Variants in CAMKMT observed in about 807,000 individuals in gnomAD.
The protein encoded by CAMKMT is CaM KMT.
Under a neutral mutation model 48.0 loss-of-function variants are expected in CAMKMT, and 53 were observed. The observed-to-expected ratio is 1.10, with a 90% CI of 0.89 to 1.39. The LOEUF (loss-of-function observed/expected upper bound fraction) is 1.39, where lower values mean the gene tolerates loss of function less well. Ranked by LOEUF, CAMKMT falls within the 40% of genes most tolerant of loss-of-function variation. CAMKMT has a pLI of 0.00. For synonymous variants in CAMKMT, 165 were observed against 152.3 expected (o/e 1.08, Z -0.61); for missense variants, 428 against 402.7 (o/e 1.06, Z -0.54).
chr2:44,668,588 C>T (rs544557333), intron 3 of CAMKMT, among the ~76,000 whole-genome samples: 1 of 152,124 alleles, frequency 6.6e-6, no homozygotes, highest in African/African-American at 2.4e-5. Flanking sequence ...TGTTCTATTG[C>T]CTCACCTCCA....
intron 2 of CAMKMT, among the ~76,000 whole-genome samples, chr2:44,381,748 A>C (rs1343162512): frequency 6.6e-6 from 1 of 152,202 alleles, no homozygotes; most frequent in East Asian, 1.9e-4. Context: ...AAGTGCTTTC[A>C]GTTCTTTAAT....
chr2:44,608,076 T>G (rs1251118567), intron 3 of CAMKMT, among the ~76,000 whole-genome samples: 8 of 143,112 alleles, frequency 5.6e-5, no homozygotes, highest in African/African-American at 7.7e-5. Context: ...TTTCCTTTTT[T>G]TTTTTTTTTT....
At chr2:44,562,316 C>T (rs1035290409) in intron 3 of CAMKMT, among the ~76,000 whole-genome samples, 2 of 152,150 alleles carry the variant, frequency 1.3e-5, no homozygotes, top group Non-Finnish European at 2.9e-5. Flanking sequence ...ACCCTTCTTT[C>T]TTTTCTAATC....
chr2:44,383,131 C>CT (rs992963820), intron 2 of CAMKMT, among the ~76,000 whole-genome samples: 174 of 148,204 alleles, frequency 1.2e-3, no homozygotes, highest in African/African-American at 3.8e-3. Flanking sequence ...CCTACCTCCT[C>CT]TTTTTTTTTT....
At chr2:44,681,944 G>T (rs906535937) in intron 3 of CAMKMT, among the ~76,000 whole-genome samples, 7 of 152,176 alleles carry the variant, frequency 4.6e-5, no homozygotes, top group Non-Finnish European at 5.9e-5. Context: ...GCTAATTAAA[G>T]AAGTTACTAC....
At chr2:44,464,292 A>C (rs1667998969) in intron 3 of CAMKMT, among the ~76,000 whole-genome samples, 1 of 152,232 alleles carries the variant, frequency 6.6e-6, no homozygotes, top group Non-Finnish European at 1.5e-5. Flanking sequence ...GAGTCAGAGT[A>C]ACAACAGCAA....
intron 3 of CAMKMT, among the ~76,000 whole-genome samples, chr2:44,404,174 A>G (rs925514025): frequency 8.5e-5 from 13 of 152,156 alleles, no homozygotes; most frequent in Non-Finnish European, 1.8e-4. Flanking sequence ...TGGATTAGTG[A>G]ACTTATTATT....
At chr2:44,529,729 G>A (rs752360807) in intron 3 of CAMKMT, among the ~76,000 whole-genome samples, 2 of 152,166 alleles carry the variant, frequency 1.3e-5, no homozygotes, top group Non-Finnish European at 2.9e-5. Flanking sequence ...CATTTTCATA[G>A]TATTTCTATC....
intron 4 of CAMKMT, chr2:44,705,467 C>T (rs1299085856): frequency 3.0e-6 from 3 of 985,252 alleles, no homozygotes; most frequent in African/African-American, 1.7e-5. Context: ...ACTGGAGCTC[C>T]AATCAGCGAG....
At chr2:44,761,727 G>A (rs952211687) in intron 9 of CAMKMT, among the ~76,000 whole-genome samples, 6 of 152,158 alleles carry the variant, frequency 3.9e-5, no homozygotes, top group Non-Finnish European at 4.4e-5. Flanking sequence ...GCTTTATTTC[G>A]AAAGTGACAG....
chr2:44,768,531 A>C (rs1355256259), intron 10 of CAMKMT, among the ~76,000 whole-genome samples: 2 of 151,882 alleles, frequency 1.3e-5, no homozygotes, highest in African/African-American at 4.8e-5. Flanking sequence ...GAGCTCGCCC[A>C]GAGGCCGGAG....
At chr2:44,404,921 G>T (rs1301364675) in intron 3 of CAMKMT, among the ~76,000 whole-genome samples, 2 of 152,142 alleles carry the variant, frequency 1.3e-5, no homozygotes, top group African/African-American at 4.8e-5. Context: ...AATGCTGGTG[G>T]TTACTATATA....
intron 3 of CAMKMT, chr2:44,400,761 A>G (rs963364169): frequency 6.6e-6 from 1 of 151,560 alleles, no homozygotes; most frequent in Non-Finnish European, 1.5e-5. Flanking sequence ...TATTTTAAAT[A>G]TTTTTCAACA....
chr2:44,721,407 A>G (rs752810935), intron 7 of CAMKMT, among the ~76,000 whole-genome samples: 18 of 152,182 alleles, frequency 1.2e-4, no homozygotes, highest in Non-Finnish European at 2.4e-4. Flanking sequence ...ACTATGACAA[A>G]TCATATCAAA....
intron 3 of CAMKMT, among the ~76,000 whole-genome samples, chr2:44,547,862 A>G (rs912740587): frequency 6.6e-6 from 1 of 152,168 alleles, no homozygotes; most frequent in Non-Finnish European, 1.5e-5. Context: ...AAGGGAGGGC[A>G]AGTTTTGAGC....
chr2:44,562,171 G>A (rs1160639387), intron 3 of CAMKMT, among the ~76,000 whole-genome samples: 1 of 152,182 alleles, frequency 6.6e-6, no homozygotes, highest in Non-Finnish European at 1.5e-5. Context: ...CTCTAGTGGT[G>A]AGCCAGTGAG....
chr2:44,406,401 C>G (rs1268397334), intron 3 of CAMKMT, among the ~76,000 whole-genome samples: 1 of 151,872 alleles, frequency 6.6e-6, no homozygotes, highest in Non-Finnish European at 1.5e-5. Context: ...AGAGATATTC[C>G]TATTCAGATA....
At chr2:44,556,227 C>A (rs1379192664) in intron 3 of CAMKMT, among the ~76,000 whole-genome samples, 1 of 152,062 alleles carries the variant, frequency 6.6e-6, no homozygotes, top group Non-Finnish European at 1.5e-5. Context: ...CAACTTCCGC[C>A]TCCCAGGTTC....
rs115400953 is a variant in CAMKMT at position 44,551,689 on chromosome 2, C to G, written c.377-152594C>G. 7.2e-5 allele frequency among the ~76,000 whole-genome samples: 11 copies of G among 152,276 alleles called. No homozygotes were observed. In the East Asian group the frequency reaches 2.1e-3, roughly 29 times the overall value. On this transcript the variant is annotated intron_variant, in intron 3 of 10. Coordinates refer to ENST00000378494, the MANE Select transcript of CAMKMT (RefSeq NM_024766.5). ...AAAGATTTGTCGAAAACTCATGTCA[C>G]TGTAGATGAATTTGCTCTGAAGAAT...
Sources: allele counts gnomAD v4.1 joint callset (sites outside exome capture counted in the v4.1 genomes callset), GRCh38; gene constraint gnomAD v4.1.1; transcripts MANE v1.5; gene names NCBI Gene and HGNC (gene_info 2026-07-23, HGNC 2026-07-21).